IQSEC1: variants seen among roughly 807,000 people sequenced by gnomAD.
The protein encoded by IQSEC1 is IQ motif and SEC7 domain-containing protein 1.
IQSEC1 carries 31 observed loss-of-function variants against 91.0 expected under a neutral mutation model. That is an observed-to-expected ratio of 0.34 (90% CI 0.26 to 0.46). The LOEUF is 0.46. Among genes scored for constraint, IQSEC1 ranks in the 20% least tolerant of loss-of-function variants. The pLI, the probability that IQSEC1 is intolerant of heterozygous loss-of-function variation, is 1.00. For missense variants in IQSEC1, 1,388 were observed against 1,575.6 expected, an observed-to-expected ratio of 0.88 and a Z score of 2.02; for synonymous variants, 699 against 662.6, an observed-to-expected ratio of 1.05 and a Z score of -0.84.
At position 13,054,554 on chromosome 3, in the gene IQSEC1, C is replaced by T. The variant is rs900888266; in HGVS notation, c.23+18438G>A. Among the ~76,000 whole-genome samples, 87 of 152,216 alleles carry T rather than the reference C, an allele frequency of 5.7e-4. 4 individuals are homozygous for T. Among genetic ancestry groups the T allele is most frequent in the Non-Finnish European group, 7.3e-5 (5 of 68,044 alleles). ...GTCTGCATTCCTGGCCTCCCTCCAC[C>T]CCGTCACGTTGCCAGCAAGAAGGGA... On this transcript the variant is annotated intron_variant, in intron 1 of 13. Coordinates refer to ENST00000613206, the MANE Select transcript of IQSEC1 (RefSeq NM_001134382.3).
At chr3:12,907,297 C>T (rs1240028425) in intron 12 of IQSEC1, among the ~76,000 whole-genome samples, 1 of 152,184 alleles carries the variant, frequency 6.6e-6, no homozygotes, top group Admixed American at 6.5e-5. Flanking sequence ...AGGGACTAAG[C>T]TGAGGGGAGG....
rs1698780740 is a variant in IQSEC1 at position 12,941,852 on chromosome 3, C to T, written c.37G>A (p.Ala13Thr). The change falls in exon 2 of 14, where the codon GCC becomes ACC. Residue 13 changes from alanine to threonine, a missense_variant. Transcript: ENST00000613206. ...CRRRYFVEGE[A>T]PSSETGTSLD... ...GATGTGCCAGTCTCACTGCTGGGGG[C>T]CTCGCCCTCGACGCTGCAGAGGAGA... 3 of 1,599,368 alleles carry T rather than the reference C, an allele frequency of 1.9e-6. No individual in the cohort carries two copies. Among genetic ancestry groups the T allele is most frequent in the Non-Finnish European group, 2.6e-6 (3 of 1,173,476 alleles).
rs945132951 is a variant in IQSEC1, at chr3:13,214,721, G to A, written c.273-50588C>T. 3.3e-5 allele frequency among the ~76,000 whole-genome samples: 5 copies of A among 152,242 alleles called. No individual in the cohort carries two copies. The highest frequency in any genetic ancestry group is 7.2e-5 in the African/African-American group (3 of 41,470). ...CGGTGGAGCACGGTCTCCAGGGAGC[G>A]GTGTTGAGGTCTCAGCTGGGCACCA... On this transcript the variant is annotated intron_variant, in intron 1 of 15. Coordinates refer to the IQSEC1 transcript ENST00000648114. This position sits in a 1 kb window ranked among gnomAD's most constrained non-coding sequence, Gnocchi z 4.5.
chr3:13,265,495 G>C (rs944390902), intron 1 of IQSEC1, among the ~76,000 whole-genome samples: 5 of 152,208 alleles, frequency 3.3e-5, no homozygotes, highest in African/African-American at 1.2e-4. Flanking sequence ...TCAACAAAGA[G>C]AGACCAAAAC....
At chr3:13,231,123 C>G (rs1249256533) in intron 1 of IQSEC1, among the ~76,000 whole-genome samples, 1 of 152,180 alleles carries the variant, frequency 6.6e-6, no homozygotes, top group Non-Finnish European at 1.5e-5. Flanking sequence ...AAACTGATGT[C>G]TTATTCTTCT....
At chr3:13,119,531 G>C (rs1706390206) in intron 2 of IQSEC1, among the ~76,000 whole-genome samples, 2 of 152,258 alleles carry the variant, frequency 1.3e-5, no homozygotes, top group African/African-American at 4.8e-5. Flanking sequence ...AAGCTACACA[G>C]TAAGGTTAGG....
intron 2 of IQSEC1, among the ~76,000 whole-genome samples, chr3:13,146,249 A>C (rs1329560125): frequency 1.3e-5 from 2 of 151,956 alleles, no homozygotes; most frequent in African/African-American, 4.8e-5. Flanking sequence ...GGCCGCCCAA[A>C]GTTCTGGGAT....
intron 2 of IQSEC1, among the ~76,000 whole-genome samples, chr3:13,126,047 T>C (rs1276912000): frequency 2.6e-5 from 4 of 152,246 alleles, no homozygotes; most frequent in African/African-American, 9.6e-5. Context: ...TTGTTGTTGT[T>C]GTTGTTTTTA....
At chr3:13,265,278 C>T (rs1695468435) in intron 1 of IQSEC1, among the ~76,000 whole-genome samples, 1 of 151,202 alleles carries the variant, frequency 6.6e-6, no homozygotes. Flanking sequence ...AGGATCAGGG[C>T]CCAGCCCTCG....
chr3:12,938,342 C>T (rs867425625), intron 2 of IQSEC1, among the ~76,000 whole-genome samples: 5 of 152,202 alleles, frequency 3.3e-5, no homozygotes, highest in South Asian at 2.1e-4. Context: ...GCCAAACAGA[C>T]GTCCAGCAAA....
At position 12,900,218 on chromosome 3, in the gene IQSEC1, C is replaced by T. The variant is rs938269270; in HGVS notation, c.*765G>A. On this transcript the variant is annotated 3_prime_UTR_variant, in exon 14 of 14. Transcript: ENST00000613206. ...TTTTAAACAGTTAGATGCTATGTTA[C>T]TTGGCACAGTTAGTAATGATTGTGT... 3 of 982,944 alleles carry T rather than the reference C, an allele frequency of 3.1e-6. No homozygotes were observed. Among genetic ancestry groups the T allele is most frequent in the Non-Finnish European group, 3.6e-6 (3 of 827,828 alleles). 60.9% of individuals were successfully genotyped at this position (982,944 alleles called of 1,614,324 possible).
In IQSEC1 at chr3:12,983,466, G is replaced by A. The variant is rs1701568395; in HGVS notation, c.24-41601C>T. ...ACCTCTCACTGGGTTGGTCTTGGCA[G>A]GTCCAGCCCACCCACCACCTGTCAC... On this transcript the variant is annotated intron_variant, in intron 1 of 13. Coordinates refer to ENST00000613206, the MANE Select transcript of IQSEC1 (RefSeq NM_001134382.3). This position sits in a 1 kb window ranked among gnomAD's most constrained non-coding sequence, Gnocchi z 4.3. Among the ~76,000 whole-genome samples, 1 of 152,186 alleles carries A rather than the reference G, an allele frequency of 6.6e-6. No homozygotes were observed. The highest frequency in any genetic ancestry group is 6.5e-5 in the Admixed American group (1 of 15,282).
At chr3:13,250,092 T>A (rs556094075) in intron 1 of IQSEC1, among the ~76,000 whole-genome samples, 2 of 152,346 alleles carry the variant, frequency 1.3e-5, no homozygotes, top group Non-Finnish European at 2.9e-5. Context: ...CACGTTTCCA[T>A]GAGCAGGACA....
chr3:13,018,625 A>T (rs1703253447), intron 1 of IQSEC1, among the ~76,000 whole-genome samples: 1 of 152,216 alleles, frequency 6.6e-6, no homozygotes, highest in Admixed American at 6.5e-5. Context: ...GTGCCCAGAG[A>T]AAGGCCAGCC....
rs1706099354 is a variant in IQSEC1, at chr3:13,103,610, G to A, written c.303-56088C>T. ...AGCCAGAGCCGAGTGTGCCATTGGG[G>A]TGGGCAATTTGCAGGATGAGCTTCA... On this transcript the variant is annotated intron_variant, in intron 2 of 15. Transcript: ENST00000648114. This position sits in a 1 kb window ranked among gnomAD's most constrained non-coding sequence, Gnocchi z 4.1. Among the ~76,000 whole-genome samples, 1 of 152,118 alleles carries A rather than the reference G, an allele frequency of 6.6e-6. No individual in the cohort carries two copies. The highest frequency in any genetic ancestry group is 6.5e-5 in the Admixed American group (1 of 15,276).
At chr3:13,011,247 G>T (rs1702871343) in intron 1 of IQSEC1, among the ~76,000 whole-genome samples, 1 of 152,168 alleles carries the variant, frequency 6.6e-6, no homozygotes, top group African/African-American at 2.4e-5. Flanking sequence ...GGGCCTACCC[G>T]CAGGGGCTTA....
Position 12,967,697 on chromosome 3 carries a change from G to A in IQSEC1, c.24-25832C>T. ...TCCGCCGCCGCCCGCTTGGCGCAGC[G>A]CGAGGCCGGGCCGGAGGAATGTGGC... On this transcript the variant is annotated intron_variant, in intron 1 of 13. Coordinates refer to ENST00000613206, the MANE Select transcript of IQSEC1 (RefSeq NM_001134382.3). The surrounding 1 kb of genome is among the most constrained non-coding windows in gnomAD (Gnocchi z 5.9). The A allele has an allele frequency of 8.8e-7, 1 of 1,139,976 alleles. No homozygotes were observed. Among genetic ancestry groups the A allele is most frequent in the African/African-American group, 1.6e-5 (1 of 61,204 alleles). The allele number at this position is 1,139,976 out of a possible 1,614,324, so 70.6% of individuals were successfully genotyped here.
At chr3:13,133,629 C>T (rs1238223316) in intron 2 of IQSEC1, among the ~76,000 whole-genome samples, 1 of 152,228 alleles carries the variant, frequency 6.6e-6, no homozygotes, top group Non-Finnish European at 1.5e-5. Context: ...CTTTGAAGAG[C>T]GGTTGCACCG....
chr3:12,913,710 G>A (rs879759383), intron 8 of IQSEC1, among the ~76,000 whole-genome samples, 157 bp from the exon 9 acceptor site: 2 of 152,190 alleles, frequency 1.3e-5, no homozygotes, highest in Non-Finnish European at 2.9e-5. Context: ...GAGCAGATAC[G>A]TCTTTTGGCT....
Sources: gnomAD v4.1 joint callset for allele counts (sites outside exome capture counted in the v4.1 genomes callset) on GRCh38, gnomAD v4.1.1 for gene constraint, Gnocchi (gnomAD v3.1) non-coding constraint, MANE v1.5 for transcripts, NCBI Gene and HGNC (gene_info 2026-07-23, HGNC 2026-07-21) for gene names.